Variants in ESRRG observed in about 807,000 individuals in gnomAD.
ESRRG encodes estrogen related receptor gamma.
Under a neutral mutation model 44.0 loss-of-function variants are expected in ESRRG, and 13 were observed. The ratio of observed to expected loss-of-function variants is 0.30; its 90% CI spans 0.19 to 0.47. The LOEUF is 0.47. Among genes scored for constraint, ESRRG ranks in the 20% least tolerant of loss-of-function variants. ESRRG has a pLI of 1.00. For synonymous variants in ESRRG, 215 were observed against 214.6 expected (o/e 1.00, Z -0.02); for missense variants, 395 against 580.6 (o/e 0.68, Z 3.29).
intron 2 of ESRRG, among the ~76,000 whole-genome samples, chr1:216,827,983 T>A (rs947474440): frequency 1.3e-5 from 2 of 152,204 alleles, no homozygotes; most frequent in Non-Finnish European, 2.9e-5. Context: ...ACTTCTGAAT[T>A]TTCTTTGCAT....
chr1:216,510,830 C>T (rs1178547306), intron 6 of ESRRG, among the ~76,000 whole-genome samples: 3 of 152,044 alleles, frequency 2.0e-5, no homozygotes, highest in Non-Finnish European at 2.9e-5. Context: ...GCTGAGATCG[C>T]GCCACTGCAC....
chr1:216,837,113 T>A (rs560153392), intron 2 of ESRRG, among the ~76,000 whole-genome samples: 6 of 151,944 alleles, frequency 3.9e-5, no homozygotes, highest in East Asian at 1.9e-4. Context: ...ATTTTTTTTT[T>A]AAATACAACT....
intron 1 of ESRRG, among the ~76,000 whole-genome samples, chr1:216,967,028 C>T (rs1008541696): frequency 3.3e-5 from 5 of 152,112 alleles, no homozygotes; most frequent in African/African-American, 1.2e-4. Context: ...TAAACAAGAG[C>T]TTACATTTGG....
chr1:216,815,423 C>G (rs941927499), intron 2 of ESRRG, among the ~76,000 whole-genome samples: 1 of 152,204 alleles, frequency 6.6e-6, no homozygotes, highest in Non-Finnish European at 1.5e-5. Flanking sequence ...ACAGACAACA[C>G]TGCCCTCTAA....
At chr1:216,841,853 A>C (rs2095658757) in intron 2 of ESRRG, among the ~76,000 whole-genome samples, 1 of 152,228 alleles carries the variant, frequency 6.6e-6, no homozygotes, top group Non-Finnish European at 1.5e-5. Context: ...AAAAGAAAGA[A>C]AAAACAAGAA....
intron 1 of ESRRG, among the ~76,000 whole-genome samples, chr1:217,015,640 TG>T (rs1386439019): frequency 6.6e-6 from 1 of 152,060 alleles, no homozygotes; most frequent in Non-Finnish European, 1.5e-5. Flanking sequence ...GCAAGAGAGT[TG>T]TGAGGATCTT....
In ESRRG at chr1:216,601,315, C is replaced by A. The variant is rs2059214919; in HGVS notation, c.590-33217G>T. Among the ~76,000 whole-genome samples the A allele has an allele frequency of 2.0e-5, 3 of 152,194 alleles. No individual in the cohort carries two copies. In the South Asian group the frequency reaches 6.2e-4, roughly 31 times the overall value. ...CAGACTCCCAGGGACTTCCTGGGAG[C>A]CACCGCGGAGGGCGCTGCGCGCGTC... On this transcript the variant is annotated intron_variant, in intron 3 of 6. Coordinates refer to ENST00000408911, the MANE Select transcript of ESRRG (RefSeq NM_001438.4).
chr1:216,528,196 T>C (rs944213791), intron 5 of ESRRG, among the ~76,000 whole-genome samples: 1 of 152,186 alleles, frequency 6.6e-6, no homozygotes, highest in African/African-American at 2.4e-5. Context: ...TTTCATTAAT[T>C]CAATGAATGT....
chr1:216,561,597 T>C (rs2058748152), intron 5 of ESRRG, among the ~76,000 whole-genome samples: 1 of 152,162 alleles, frequency 6.6e-6, no homozygotes. Flanking sequence ...AGCTGTAGTG[T>C]GGTCCTCTAC....
intron 1 of ESRRG, among the ~76,000 whole-genome samples, chr1:217,033,271 C>T (rs953707853): frequency 3.3e-5 from 5 of 152,130 alleles, no homozygotes; most frequent in African/African-American, 1.2e-4. Context: ...TGTGCAGTAC[C>T]CAGTTCCACC....
upstream of ESRRG, among the ~76,000 whole-genome samples, chr1:216,724,523 A>G (rs2087077216): frequency 6.6e-6 from 1 of 152,126 alleles, no homozygotes; most frequent in Admixed American, 6.6e-5. Flanking sequence ...CACAGTGTAC[A>G]CATTTGTTTC....
At chr1:216,963,962 G>C (rs1443328419) in intron 1 of ESRRG, among the ~76,000 whole-genome samples, 4 of 152,168 alleles carry the variant, frequency 2.6e-5, no homozygotes, top group Non-Finnish European at 5.9e-5. Flanking sequence ...AGACAAAGTA[G>C]ATATCTGAGA....
chr1:217,068,101 A>T (rs1375894880), intron 1 of ESRRG, among the ~76,000 whole-genome samples: 1 of 152,204 alleles, frequency 6.6e-6, no homozygotes, highest in Non-Finnish European at 1.5e-5. Context: ...CTCTGCATAG[A>T]GCTACCTCAA....
chr1:217,006,988 T>C (rs898896727), intron 1 of ESRRG, among the ~76,000 whole-genome samples: 1 of 152,166 alleles, frequency 6.6e-6, no homozygotes, highest in African/African-American at 2.4e-5. Flanking sequence ...TTATAAATCA[T>C]ATCACCAGTT....
intron 6 of ESRRG, among the ~76,000 whole-genome samples, chr1:216,511,441 A>T (rs2042682498): frequency 6.6e-6 from 1 of 151,792 alleles, no homozygotes; most frequent in African/African-American, 2.4e-5. Flanking sequence ...CATAAACAAC[A>T]ACAACAACAA....
At chr1:216,601,483 A>G (rs1304350636) in intron 3 of ESRRG, among the ~76,000 whole-genome samples, 3 of 152,244 alleles carry the variant, frequency 2.0e-5, no homozygotes, top group Non-Finnish European at 4.4e-5. Context: ...CATTTCCTGA[A>G]GAGGATTCCT....
At chr1:216,653,758 T>C (rs2069622732) in intron 2 of ESRRG, among the ~76,000 whole-genome samples, 3 of 152,276 alleles carry the variant, frequency 2.0e-5, no homozygotes, top group South Asian at 2.1e-4. Flanking sequence ...ATACCTTTCA[T>C]ACACATATTA....
intron 1 of ESRRG, among the ~76,000 whole-genome samples, chr1:216,719,226 A>T (rs1476612179): frequency 2.0e-5 from 3 of 151,978 alleles, no homozygotes; most frequent in Non-Finnish European, 4.4e-5. Flanking sequence ...AAGTATTGTT[A>T]AATAGAATCA....
At chr1:217,032,010 G>A (rs2082141920) in intron 1 of ESRRG, among the ~76,000 whole-genome samples, 1 of 152,152 alleles carries the variant, frequency 6.6e-6, no homozygotes, top group Non-Finnish European at 1.5e-5. Flanking sequence ...AGGATCAAGA[G>A]CTTTCTGTGA....
Sources: allele counts gnomAD v4.1 joint callset (sites outside exome capture counted in the v4.1 genomes callset), GRCh38; gene constraint gnomAD v4.1.1; transcripts MANE v1.5; gene names NCBI Gene and HGNC (gene_info 2026-07-23, HGNC 2026-07-21).